The following UXS1 variants were observed in gnomAD, a reference collection of about 807,000 sequenced individuals.
UXS1 encodes UDP-glucuronate decarboxylase 1, also known as UDP-glucuronic acid decarboxylase 1.
Under a neutral mutation model 62.6 loss-of-function variants are expected in UXS1, and 33 were observed. The ratio of observed to expected loss-of-function variants is 0.53; its 90% CI spans 0.40 to 0.70. The LOEUF (loss-of-function observed/expected upper bound fraction) is 0.70, where lower values mean the gene tolerates loss of function less well. UXS1 is among the 30% of genes least tolerant of loss of function. The pLI is 0.00. For synonymous variants in UXS1, 213 were observed against 206.8 expected, an observed-to-expected ratio of 1.03 and a Z score of -0.26; for missense variants, 434 against 556.3, an observed-to-expected ratio of 0.78 and a Z score of 2.21.
At chr2:106,105,808 C>T (rs1273792162) in intron 10 of UXS1, among the ~76,000 whole-genome samples, 2 of 152,214 alleles carry the variant, frequency 1.3e-5, no homozygotes, top group Non-Finnish European at 2.9e-5. Flanking sequence ...ATCACAGGAA[C>T]AAGAGTGCCC....
intron 10 of UXS1, among the ~76,000 whole-genome samples, chr2:106,106,190 C>T (rs1280069872): frequency 8.5e-5 from 13 of 152,064 alleles, no homozygotes; most frequent in African/African-American, 4.8e-5. Flanking sequence ...CATGGAGAAA[C>T]CCTGTCTCTG....
chr2:106,153,423 T>G (rs1682189892), intron 5 of UXS1, among the ~76,000 whole-genome samples: 1 of 151,854 alleles, frequency 6.6e-6, no homozygotes, highest in South Asian at 2.1e-4. Context: ...TCCCAGGGGG[T>G]TTGGCCAAGG....
intron 4 of UXS1, among the ~76,000 whole-genome samples, chr2:106,161,558 G>C (rs1682897200): frequency 6.6e-6 from 1 of 152,164 alleles, no homozygotes; most frequent in Non-Finnish European, 1.5e-5. Context: ...AAGCGAGAGA[G>C]AAACCAGCAA....
intron 9 of UXS1, among the ~76,000 whole-genome samples, chr2:106,119,785 A>G (rs1679374830): frequency 6.6e-6 from 1 of 152,200 alleles, no homozygotes; most frequent in African/African-American, 2.4e-5. Flanking sequence ...CAGCTGTCAC[A>G]AAATCCTGGG....
intron 9 of UXS1, among the ~76,000 whole-genome samples, chr2:106,115,455 A>C (rs1198372585): frequency 6.6e-6 from 1 of 152,200 alleles, no homozygotes; most frequent in Non-Finnish European, 1.5e-5. Context: ...CTGCTGATTC[A>C]TCCTAGGCAT....
At chr2:106,172,210 G>A (rs1441193519) in intron 1 of UXS1, among the ~76,000 whole-genome samples, 1 of 152,218 alleles carries the variant, frequency 6.6e-6, no homozygotes, top group African/African-American at 2.4e-5. Context: ...GGCCTGGCTG[G>A]GTGACAAGCA....
intron 6 of UXS1, chr2:106,138,295 C>T: frequency 3.0e-6 from 3 of 985,528 alleles, no homozygotes; most frequent in South Asian, 9.4e-5. Flanking sequence ...CTTGCCTGCA[C>T]CACTAGTCCA....
intron 6 of UXS1, among the ~76,000 whole-genome samples, chr2:106,130,946 C>T (rs1272842298): frequency 6.6e-6 from 1 of 152,102 alleles, no homozygotes; most frequent in Non-Finnish European, 1.5e-5. Context: ...CAGCTCCCAG[C>T]GTGAGCGACG....
intron 6 of UXS1, among the ~76,000 whole-genome samples, chr2:106,144,835 G>A (rs1476891801): frequency 1.3e-5 from 2 of 152,096 alleles, no homozygotes; most frequent in Admixed American, 1.3e-4. Flanking sequence ...CACCTCCAAA[G>A]GCCCCACCTC....
intron 6 of UXS1, chr2:106,138,432 G>A: frequency 1.0e-6 from 1 of 985,468 alleles, no homozygotes; most frequent in Non-Finnish European, 1.2e-6. Context: ...TCTAGAGGGA[G>A]GGGAGGCCCC....
intron 1 of UXS1, among the ~76,000 whole-genome samples, chr2:106,188,101 A>C (rs1684687136): frequency 6.6e-6 from 1 of 152,104 alleles, no homozygotes; most frequent in African/African-American, 2.4e-5. Context: ...CCCGACTAAA[A>C]CATCAGAAAA....
intron 1 of UXS1, among the ~76,000 whole-genome samples, chr2:106,188,918 T>A (rs866195265): frequency 1.3e-5 from 2 of 152,130 alleles, no homozygotes; most frequent in Non-Finnish European, 2.9e-5. Flanking sequence ...TTTAGTTTTT[T>A]AAAAAAGTTC....
At position 106,098,717 on chromosome 2, in the gene UXS1, A is replaced by C; in HGVS notation, c.1041T>G (p.Val347=). ...LEFAQLIKNL[V]GSGSEIQFLS... is the part of the protein sequence containing the mutation. Reference sequence around the variant, plus strand: ...CAGGAAATGACTTATCCTACTTACCAACAAGGTTTTTAATTAACTGAGCAA... The same window carrying C: ...CAGGAAATGACTTATCCTACTTACCCACAAGGTTTTTAATTAACTGAGCAA... Residue 347 remains valine, a splice_region_variant and synonymous_variant, in exon 13 of 15, where the codon GTT becomes GTG. Coordinates refer to ENST00000283148, the MANE Select transcript of UXS1 (RefSeq NM_001253875.2). The C allele has an allele frequency of 1.2e-6, 2 of 1,609,828 alleles. No individual in the cohort carries two copies. Among genetic ancestry groups the C allele is most frequent in the Non-Finnish European group, 1.7e-6 (2 of 1,177,682 alleles).
intron 12 of UXS1, among the ~76,000 whole-genome samples, chr2:106,099,391 A>G (rs1677397831): frequency 6.6e-6 from 1 of 152,152 alleles, no homozygotes; most frequent in African/African-American, 2.4e-5. Context: ...CACTGCCCTC[A>G]TCATAAGAGA....
chr2:106,183,931 C>CCTCT (rs1558759914), intron 1 of UXS1: 1 of 152,256 alleles, frequency 6.6e-6, no homozygotes, highest in African/African-American at 2.4e-5. Context: ...GTGGCTCATG[C>CCTCT]CTCTAATCCC....
intron 3 of UXS1, among the ~76,000 whole-genome samples, chr2:106,163,933 CAATT>C (rs1333368416): frequency 3.3e-5 from 5 of 152,320 alleles, no homozygotes; most frequent in South Asian, 2.1e-4. Context: ...GTTTCTGAGA[CAATT>C]AATGTTTTTG....
chr2:106,164,725 A>C lies in UXS1; in HGVS notation c.186+11T>G, dbSNP rs372335165. 1.2e-5 allele frequency: 19 copies of C among 1,557,012 alleles called. No individual in the cohort carries two copies. In the African/African-American group the frequency reaches 2.5e-4, roughly 20 times the overall value. ...AGATGAAATAGATACAAAAATAGAA[A>C]AAAGACTAACCTCTTCAATCTTGCT... On this transcript the variant is annotated intron_variant, in intron 3 of 14. Coordinates refer to ENST00000283148, the MANE Select transcript of UXS1 (RefSeq NM_001253875.2).
intron 9 of UXS1, among the ~76,000 whole-genome samples, chr2:106,114,580 T>G (rs193020763): frequency 1.4e-3 from 211 of 152,334 alleles, no homozygotes; most frequent in African/African-American, 4.7e-3. Flanking sequence ...AAAAGCTCAA[T>G]GGGTTAGGCA....
At chr2:106,182,368 G>T (rs1684298940) in intron 1 of UXS1, among the ~76,000 whole-genome samples, 1 of 152,240 alleles carries the variant, frequency 6.6e-6, no homozygotes, top group Non-Finnish European at 1.5e-5. Flanking sequence ...GCTATTTCTG[G>T]ATGGGAAGGC....
Sources: gnomAD v4.1 joint callset for allele counts (sites outside exome capture counted in the v4.1 genomes callset) on GRCh38, gnomAD v4.1.1 for gene constraint, MANE v1.5 for transcripts, NCBI Gene and HGNC (gene_info 2026-07-23, HGNC 2026-07-21) for gene names.